The following RABGGTB variants were observed in gnomAD, a reference collection of about 807,000 sequenced individuals.
RABGGTB encodes the protein Rab geranylgeranyltransferase subunit beta.
Under a neutral mutation model 44.5 loss-of-function variants are expected in RABGGTB, and 20 were observed. The ratio of observed to expected loss-of-function variants is 0.45; its 90% CI spans 0.32 to 0.65. RABGGTB has a LOEUF of 0.65. RABGGTB is among the 30% of genes least tolerant of loss of function. The pLI, the probability that RABGGTB is intolerant of heterozygous loss-of-function variation, is 0.05. For synonymous variants in RABGGTB, 128 were observed against 136.7 expected (o/e 0.94, Z 0.44); for missense variants, 302 against 398.7 (o/e 0.76, Z 2.06).
chr1:75,794,743 A>G lies in RABGGTB; in HGVS notation c.*93A>G. The G allele has an allele frequency of 1.1e-6, 1 of 936,386 alleles. No individual in the cohort carries two copies. The highest frequency in any genetic ancestry group is 1.5e-6 in the Non-Finnish European group (1 of 681,302). The allele number at this position is 936,386 out of a possible 1,614,324, so 58.0% of individuals were successfully genotyped here. On this transcript the variant is annotated 3_prime_UTR_variant, in exon 9 of 9. Coordinates refer to ENST00000319942, the MANE Select transcript of RABGGTB (RefSeq NM_004582.4). ...TCGAATCTAAAAGTGACTACTGTTA[A>G]TATTTTGTATATTGTGTTAAATTAA... is the stretch of plus-strand genomic sequence containing the variant.
At chr1:75,791,601 T>C (rs912847417) in intron 6 of RABGGTB, 30 bp downstream of exon 6, 1 of 1,545,104 alleles carries the variant, frequency 6.5e-7, no homozygotes, top group Non-Finnish European at 8.8e-7. Context: ...GAAAATGTAT[T>C]GTCATTTTGG....
chr1:75,790,101 A>G (rs756476250), intron 4 of RABGGTB, 44 bp downstream of exon 4: 10 of 1,606,716 alleles, frequency 6.2e-6, no homozygotes, highest in Non-Finnish European at 8.5e-6. Context: ...ACCAATATTA[A>G]AATGTACTGG....
intron 4 of RABGGTB, 71 bp downstream of exon 4, chr1:75,790,128 T>C: frequency 6.3e-7 from 1 of 1,587,078 alleles, no homozygotes; most frequent in East Asian, 2.2e-5. Context: ...TAGTAACCAG[T>C]TTATAAGTTT....
rs1649650439 is a variant in RABGGTB, at chr1:75,791,659, A to G, written c.579+88A>G. 19 of 1,123,596 alleles carry G rather than the reference A, an allele frequency of 1.7e-5. No homozygotes were observed. The South Asian group carries it at 2.7e-4, about 16-fold the overall frequency. 69.6% of individuals were successfully genotyped at this position (1,123,596 alleles called of 1,614,324 possible). The stretch of plus-strand genomic sequence containing the variant: ...AAATTGGTTATTTCAGTGTTTGTCA[A>G]ATACACATAAAGTTAATTCGACTGT... On this transcript the variant is annotated intron_variant, in intron 6 of 8. Transcript: ENST00000319942.
chr1:75,789,567 CT>C (rs1649595220), intron 3 of RABGGTB: 1 of 756,708 alleles, frequency 1.3e-6, no homozygotes, highest in Non-Finnish European at 2.4e-6. Flanking sequence ...AAATTTTTAT[CT>C]TCAGTATGTG....
chr1:75,794,472 T>A, intron 8 of RABGGTB, 38 bp from the exon 9 acceptor site: 1 of 1,568,700 alleles, frequency 6.4e-7, no homozygotes, highest in Admixed American at 1.8e-5. Flanking sequence ...AAAGAAGTTT[T>A]CATTTTGTGA....
rs1649536325 is a variant in RABGGTB at position 75,787,780 on chromosome 1, T to TAA, written c.111+176_111+177insAA. 38 of 666,092 alleles carry TAA rather than the reference T, an allele frequency of 5.7e-5. 1 individual carries two copies. The South Asian group carries it at 6.1e-4, about 11-fold the overall frequency. 41.3% of individuals were successfully genotyped at this position (666,092 alleles called of 1,614,324 possible). A position where few individuals can be genotyped will look rare whatever the true frequency, so the allele number is the denominator to read the frequency against. ...TTGGACGTCTGAGGCTGTGGGCTTA[T>TAA]TAGAATCTCAGTTTTTACCTATACT... On this transcript the variant is annotated intron_variant, in intron 2 of 8. Coordinates refer to ENST00000319942, the MANE Select transcript of RABGGTB (RefSeq NM_004582.4).
chr1:75,791,550 T>A lies in RABGGTB; in HGVS notation c.558T>A (p.Gly186=), dbSNP rs1649646123. Residue 186 remains glycine (G), a synonymous_variant, in exon 6 of 9, where the codon GGT becomes GGA. Transcript: ENST00000319942. ...ACGGTGGATTTGGTTGCAGACCAGG[T>A]TCTGAATCCCATGCTGGGCAGGTAA... ...NFDGGFGCRP[G]SESHAGQIYC... 1 of 1,611,566 alleles carries A rather than the reference T, an allele frequency of 6.2e-7. No individual in the cohort carries two copies. The highest frequency in any genetic ancestry group is 1.1e-5 in the South Asian group (1 of 90,772).
chr1:75,794,381 A>T, intron 8 of RABGGTB, 129 bp from the exon 9 acceptor site: 1 of 1,306,910 alleles, frequency 7.7e-7, no homozygotes, highest in Non-Finnish European at 1.0e-6. Context: ...AGGATATAGA[A>T]CAATCTTACA....
At chr1:75,790,178 G>T in intron 4 of RABGGTB, 121 bp downstream of exon 4, 2 of 1,497,630 alleles carry the variant, frequency 1.3e-6, no homozygotes, top group Non-Finnish European at 1.8e-6. Flanking sequence ...GGTCTAACTG[G>T]AGTTAATGGT....
intron 6 of RABGGTB, 181 bp from the exon 7 acceptor site, chr1:75,792,000 A>G: frequency 1.8e-6 from 1 of 545,012 alleles, no homozygotes; most frequent in Non-Finnish European, 3.2e-6. Context: ...GCAGAATTGC[A>G]TACTAGTAAT....
At chr1:75,787,708 A>G in intron 2 of RABGGTB, 104 bp downstream of exon 2, 4 of 889,616 alleles carry the variant, frequency 4.5e-6, no homozygotes, top group Non-Finnish European at 7.2e-6. Context: ...AACTCCATGC[A>G]GAGAACTGAG....
chr1:75,792,345 C>T (rs556749479), intron 7 of RABGGTB, 39 bp downstream of exon 7: 1 of 1,597,870 alleles, frequency 6.3e-7, no homozygotes, highest in Non-Finnish European at 8.6e-7. Flanking sequence ...GCTTTAGAAC[C>T]TTGAGTGAAT....
In RABGGTB at chr1:75,790,042, G is replaced by C; in HGVS notation, c.400G>C (p.Ala134Pro). ...KGLQKEDGSF[A>P]GDIWGEIDTR... Reference sequence around the variant, plus strand: ...TCTACAGAAAGAAGATGGTTCTTTTGCTGGAGATATTTGGGGTAATGTCAG... The same window carrying C: ...TCTACAGAAAGAAGATGGTTCTTTTCCTGGAGATATTTGGGGTAATGTCAG... The change falls in exon 4 of 9, where the codon GCT becomes CCT. Residue 134 changes from alanine to proline, a missense_variant. Transcript: ENST00000319942. 1 of 1,612,548 alleles carries C rather than the reference G, an allele frequency of 6.2e-7. No individual in the cohort carries two copies. The highest frequency in any genetic ancestry group is 1.1e-5 in the South Asian group (1 of 91,010).
rs766093250 is a variant in RABGGTB, at chr1:75,789,977, A to T, written c.335A>T (p.Asn112Ile). ...ATTCTTACGCTGTATGACAGTATTAATGTTATTGACGTAAATAAAGTTGTG... is the reference window on the plus strand; with the variant it reads ...ATTCTTACGCTGTATGACAGTATTATTGTTATTGACGTAAATAAAGTTGTG... Reference protein sequence around the residue: ...VQILTLYDSINVIDVNKVVEY... With the variant: ...VQILTLYDSIIVIDVNKVVEY... Residue 112 changes from asparagine (N) to isoleucine (I), a missense_variant, in exon 4 of 9, where the codon AAT becomes ATT. Transcript: ENST00000319942. 1 of 1,610,630 alleles carries T rather than the reference A, an allele frequency of 6.2e-7. No individual in the cohort carries two copies. Among genetic ancestry groups the T allele is most frequent in the Non-Finnish European group, 8.5e-7 (1 of 1,177,498 alleles).
chr1:75,793,803 A>ATT (rs1649704896), intron 7 of RABGGTB: 1 of 300,024 alleles, frequency 3.3e-6, no homozygotes, highest in African/African-American at 2.1e-5. Flanking sequence ...TGCAGATAGA[A>ATT]ACAAAGCAGA....
intron 7 of RABGGTB, 89 bp downstream of exon 7, chr1:75,792,395 G>A (rs1046468899): frequency 2.6e-6 from 4 of 1,533,698 alleles, no homozygotes; most frequent in Non-Finnish European, 3.5e-6. Context: ...TTGTAAATTG[G>A]CCATGAGCTT....
At chr1:75,787,221 T>G in intron 1 of RABGGTB, 2 of 624,630 alleles carry the variant, frequency 3.2e-6, no homozygotes, top group East Asian at 3.1e-5. Context: ...TACAATTTGT[T>G]GTTGTTGTTG....
At chr1:75,792,422 T>A in intron 7 of RABGGTB, 116 bp downstream of exon 7, 1 of 1,406,044 alleles carries the variant, frequency 7.1e-7, no homozygotes, top group Non-Finnish European at 9.6e-7. Flanking sequence ...TACCTTTCCC[T>A]GTTGTGAATT....
Sources: gnomAD v4.1 joint callset for allele counts on GRCh38, gnomAD v4.1.1 for gene constraint, MANE v1.5 for transcripts, NCBI Gene and HGNC (gene_info 2026-07-23, HGNC 2026-07-21) for gene names.